Variants in USP34 observed in about 807,000 individuals in gnomAD.
The protein encoded by USP34 is ubiquitin carboxyl-terminal hydrolase 34.
In USP34, 70 loss-of-function variants were observed where a neutral mutation model predicts 460.3. That is an observed-to-expected ratio of 0.15 (90% CI 0.13 to 0.19). The LOEUF is 0.19. Among genes scored for constraint, USP34 ranks in the 10% least tolerant of loss-of-function variants. The probability of loss-of-function intolerance (pLI) is 1.00; values close to 1 mark genes in which losing one functional copy is unlikely to be tolerated. For missense variants in USP34, 3,985 were observed against 4,236.2 expected (o/e 0.94, Z 1.65); for synonymous variants, 1,647 against 1,405.3 (o/e 1.17, Z -3.85).
At chr2:61,426,571 A>C (rs1352209847) in intron 1 of USP34, among the ~76,000 whole-genome samples, 1 of 152,220 alleles carries the variant, frequency 6.6e-6, no homozygotes, top group Non-Finnish European at 1.5e-5. Flanking sequence ...CAATACAAAA[A>C]GTATTGCTCT....
chr2:61,190,550 CAAT>C lies in USP34; in HGVS notation c.9694_9696del (p.Ile3232del). 6.2e-7 allele frequency: 1 copy of C among 1,614,014 alleles called. No individual in the cohort carries two copies. The highest frequency in any genetic ancestry group is 8.5e-7 in the Non-Finnish European group (1 of 1,179,976). On this transcript the variant is annotated inframe_deletion, in exon 77 of 80. Coordinates refer to ENST00000398571, the MANE Select transcript of USP34 (RefSeq NM_014709.4). ...AGGAAATGTGTCATGAACGTGTAGA[CAAT>C]GTTGTTGTTTAAAAAAGTTCTTTCA... is the stretch of plus-strand genomic sequence containing the variant.
At chr2:61,331,413 G>T in intron 19 of USP34, 42 bp from the exon 20 acceptor site, 2 of 1,532,908 alleles carry the variant, frequency 1.3e-6, no homozygotes, top group Non-Finnish European at 1.8e-6. Flanking sequence ...AGTGGGCAGG[G>T]TAAGAGAATA....
intron 75 of USP34, among the ~76,000 whole-genome samples, chr2:61,197,545 A>G (rs1324738740): frequency 6.6e-6 from 1 of 152,070 alleles, no homozygotes. Context: ...ATTTGTTAGC[A>G]TTTTCATGAT....
intron 69 of USP34, among the ~76,000 whole-genome samples, chr2:61,209,501 TC>T (rs2103781861): frequency 6.6e-6 from 1 of 152,326 alleles, no homozygotes; most frequent in South Asian, 2.1e-4. Context: ...GCTGATAAAT[TC>T]CTATTAGCCT....
chr2:61,308,321 G>A (rs1035698984), intron 27 of USP34, among the ~76,000 whole-genome samples: 1 of 151,940 alleles, frequency 6.6e-6, no homozygotes, highest in Non-Finnish European at 1.5e-5. Context: ...TTTAAAAATA[G>A]GCATATTTTT....
chr2:61,199,896 A>G (rs1308250346), intron 75 of USP34: 1 of 152,394 alleles, frequency 6.6e-6, no homozygotes, highest in East Asian at 1.9e-4. Flanking sequence ...TGATATCTTG[A>G]TATTTATCTT....
At chr2:61,291,671 T>C (rs1689856453) in intron 33 of USP34, among the ~76,000 whole-genome samples, 1 of 152,212 alleles carries the variant, frequency 6.6e-6, no homozygotes, top group Admixed American at 6.5e-5. Flanking sequence ...CTGCTCAAGA[T>C]TCTTAGCATT....
intron 1 of USP34, among the ~76,000 whole-genome samples, chr2:61,439,155 T>A (rs933963002): frequency 6.6e-6 from 1 of 152,180 alleles, no homozygotes; most frequent in African/African-American, 2.4e-5. Context: ...CTCACGCCTG[T>A]AATCCCAACA....
chr2:61,454,494 T>C (rs978365424), intron 1 of USP34, among the ~76,000 whole-genome samples: 5 of 152,040 alleles, frequency 3.3e-5, no homozygotes, highest in African/African-American at 4.8e-5. Flanking sequence ...CATGGAGTTA[T>C]AGAGAAAACT....
chr2:61,466,931 G>C (rs1054406432), intron 1 of USP34, among the ~76,000 whole-genome samples: 1 of 151,254 alleles, frequency 6.6e-6, no homozygotes, highest in Non-Finnish European at 1.5e-5. Flanking sequence ...TATTACACTC[G>C]TTTGCCCAGG....
chr2:61,346,721 G>T (rs1014653712), intron 15 of USP34, among the ~76,000 whole-genome samples: 1 of 148,962 alleles, frequency 6.7e-6, no homozygotes, highest in African/African-American at 2.5e-5. Context: ...AGTCCCAGCT[G>T]CTCAGTAGGC....
intron 48 of USP34, among the ~76,000 whole-genome samples, chr2:61,254,115 C>T (rs1478797358): frequency 6.6e-6 from 1 of 152,210 alleles, no homozygotes; most frequent in East Asian, 1.9e-4. Flanking sequence ...TATAACCTGA[C>T]AAAACACATC....
intron 33 of USP34, among the ~76,000 whole-genome samples, chr2:61,292,283 A>G (rs1485074520): frequency 2.0e-5 from 3 of 152,210 alleles, no homozygotes; most frequent in Non-Finnish European, 4.4e-5. Flanking sequence ...TGAACTTAGA[A>G]GTATTTCATA....
At chr2:61,237,253 C>G (rs1688095076) in intron 53 of USP34, among the ~76,000 whole-genome samples, 1 of 152,086 alleles carries the variant, frequency 6.6e-6, no homozygotes, top group Non-Finnish European at 1.5e-5. Flanking sequence ...CAGGCAGAGT[C>G]TGATAGCATT....
At chr2:61,441,478 G>C (rs1014402264) in intron 1 of USP34, among the ~76,000 whole-genome samples, 1 of 152,104 alleles carries the variant, frequency 6.6e-6, no homozygotes, top group Non-Finnish European at 1.5e-5. Context: ...AGAGATGTCA[G>C]GAGGCCTCCT....
chr2:61,300,808 C>CA (rs1251239037), intron 29 of USP34, 143 bp downstream of exon 29: 6,114 of 444,634 alleles, frequency 0.014, 17 homozygotes, highest in African/African-American at 0.044. Flanking sequence ...AAAAAGAAAA[C>CA]AAAAAAAAAA....
chr2:61,417,013 C>T, intron 2 of USP34: 1 of 1,324,794 alleles, frequency 7.5e-7, no homozygotes, highest in South Asian at 1.2e-5. Flanking sequence ...CTTGGTGAAG[C>T]CCCACTTCTT....
At chr2:61,321,035 G>GC (rs1690903760) in intron 21 of USP34, among the ~76,000 whole-genome samples, 2 of 152,164 alleles carry the variant, frequency 1.3e-5, no homozygotes, top group Non-Finnish European at 2.9e-5. Context: ...AAGTAGCTGG[G>GC]CAGGGTGGCA....
chr2:61,259,280 A>G (rs1416479135), intron 44 of USP34, among the ~76,000 whole-genome samples: 1 of 152,106 alleles, frequency 6.6e-6, no homozygotes, highest in Admixed American at 6.6e-5. Flanking sequence ...ATAAATAAAT[A>G]AAAAAGTAAG....
Sources: gnomAD v4.1 joint callset for allele counts (sites outside exome capture counted in the v4.1 genomes callset) on GRCh38, gnomAD v4.1.1 for gene constraint, MANE v1.5 for transcripts, NCBI Gene and HGNC (gene_info 2026-07-23, HGNC 2026-07-21) for gene names.